Variants in ZRSR2 observed in about 807,000 individuals in gnomAD.
ZRSR2 encodes zinc finger CCCH-type, RNA binding motif and serine/arginine rich 2, also known as U2 small nuclear ribonucleoprotein auxiliary factor 35 kDa subunit-related protein 2.
Under a neutral mutation model 39.4 loss-of-function variants are expected in ZRSR2, and 3 were observed. The ratio of observed to expected loss-of-function variants is 0.08; its 90% CI spans 0.03 to 0.20. The LOEUF is 0.20. ZRSR2 is among the 10% of genes least tolerant of loss of function. The probability of loss-of-function intolerance (pLI) is 1.00; values close to 1 mark genes in which losing one functional copy is unlikely to be tolerated. For missense variants in ZRSR2, 256 were observed against 391.5 expected, an observed-to-expected ratio of 0.65 and a Z score of 2.92; for synonymous variants, 137 against 136.0, an observed-to-expected ratio of 1.01 and a Z score of -0.05.
At chrX:15,801,962 G>T (rs1164776902) in intron 3 of ZRSR2, among the ~76,000 whole-genome samples, 1 of 111,722 alleles carries the variant, frequency 9.0e-6, no homozygotes, top group Non-Finnish European at 1.9e-5. Flanking sequence ...TTACTTTCTT[G>T]TGGTCTTAAT....
At chrX:15,821,345 C>A (rs1426780728) in intron 10 of ZRSR2, among the ~76,000 whole-genome samples, 1 of 107,653 alleles carries the variant, frequency 9.3e-6, no homozygotes, top group Non-Finnish European at 1.9e-5. Flanking sequence ...AAAAAAAAAA[C>A]ACTTTATTTT....
At chrX:15,801,522 C>T (rs1022494022) in intron 3 of ZRSR2, 7 of 176,792 alleles carry the variant, frequency 4.0e-5, no homozygotes, top group African/African-American at 1.2e-4. Flanking sequence ...TGAGCCACCG[C>T]GCTCAGCCGA....
Position 15,800,986 on chromosome X carries a change from G to A in ZRSR2, c.203+1033G>A, listed in dbSNP as rs1401066428. ...TCATAAGTCCATGTAAAATGTAGAT[G>A]GCCAGGTAGAAAGGGCTTCCTGGTT... is the stretch of plus-strand genomic sequence containing the variant. On this transcript the variant is annotated intron_variant, in intron 3 of 10. Coordinates refer to ENST00000307771, the MANE Select transcript of ZRSR2 (RefSeq NM_005089.4). Among the ~76,000 whole-genome samples the A allele has an allele frequency of 2.7e-5, 3 of 111,823 alleles. No homozygotes were observed. In the East Asian group the frequency reaches 8.5e-4, roughly 32 times the overall value.
chrX:15,802,301 T>C (rs910415222), intron 3 of ZRSR2, among the ~76,000 whole-genome samples: 1 of 112,076 alleles, frequency 8.9e-6, no homozygotes, highest in African/African-American at 3.2e-5. Flanking sequence ...GAATTTGAGG[T>C]TCTACACACC....
chrX:15,798,379 C>T (rs1475313346), intron 2 of ZRSR2, among the ~76,000 whole-genome samples: 1 of 111,945 alleles, frequency 8.9e-6, no homozygotes, highest in Non-Finnish European at 1.9e-5. Flanking sequence ...TTCTAATCTA[C>T]AGAAAGTTGA....
At chrX:15,803,915 C>A in intron 4 of ZRSR2, 119 bp downstream of exon 4, 1 of 1,012,276 alleles carries the variant, frequency 9.9e-7, no homozygotes, top group Non-Finnish European at 1.3e-6. Context: ...TGCACTCCAG[C>A]CTGGGCAGCA....
Position 15,790,495 on chromosome X carries a change from G to C in ZRSR2, c.-1G>C, listed in dbSNP as rs939935004. 8.6e-7 allele frequency: 1 copy of C among 1,159,645 alleles called. No individual in the cohort carries two copies. The highest frequency in any genetic ancestry group is 3.3e-5 in the East Asian group (1 of 30,244). Reference sequence around the variant, plus strand: ...TGGAGGGGCGGGGCGGTGCCGGCAAGATGGCTGCGCCCGAGAAGATGACGT... The same window carrying C: ...TGGAGGGGCGGGGCGGTGCCGGCAACATGGCTGCGCCCGAGAAGATGACGT... On this transcript the variant is annotated 5_prime_UTR_variant, in exon 1 of 11. Coordinates refer to ENST00000307771, the MANE Select transcript of ZRSR2 (RefSeq NM_005089.4).
chrX:15,795,072 G>A (rs183794058), intron 2 of ZRSR2, among the ~76,000 whole-genome samples: 785 of 53,431 alleles, frequency 0.015, 6 homozygotes, highest in Non-Finnish European at 0.021. Flanking sequence ...CCTTCACCCC[G>A]ACCCCCCTGC....
At chrX:15,797,415 G>C (rs1304116639) in intron 2 of ZRSR2, among the ~76,000 whole-genome samples, 1 of 109,395 alleles carries the variant, frequency 9.1e-6, no homozygotes, top group African/African-American at 3.3e-5. Context: ...TCACCATGTT[G>C]GCCAGGCTGG....
intron 2 of ZRSR2, among the ~76,000 whole-genome samples, chrX:15,796,167 T>C (rs1932450469): frequency 9.0e-6 from 1 of 111,013 alleles, no homozygotes; most frequent in Admixed American, 9.6e-5. Context: ...TAGTTGGGAT[T>C]ACAGACACGC....
At position 15,808,187 on chromosome X, in the gene ZRSR2, A is replaced by G; in HGVS notation, c.400-46A>G. 1.9e-5 allele frequency: 22 copies of G among 1,156,190 alleles called. 2 individuals carry two copies. Among genetic ancestry groups the G allele is most frequent in the African/African-American group, 7.0e-5 (4 of 56,864 alleles). On this transcript the variant is annotated intron_variant, in intron 5 of 10. Transcript: ENST00000307771. ...TAACCAGAGAAACCAGATGTGACTTACCTGACTTCTGGGTTTTTATTAGTC... is the reference window on the plus strand; with the variant it reads ...TAACCAGAGAAACCAGATGTGACTTGCCTGACTTCTGGGTTTTTATTAGTC...
chrX:15,807,299 G>A (rs1343667473), intron 5 of ZRSR2, among the ~76,000 whole-genome samples: 3 of 108,310 alleles, frequency 2.8e-5, no homozygotes, highest in African/African-American at 6.7e-5. Context: ...TTGTTTGTTC[G>A]TTTTTTTTTA....
At chrX:15,793,686 C>T (rs1479901435) in intron 2 of ZRSR2, among the ~76,000 whole-genome samples, 1 of 111,795 alleles carries the variant, frequency 8.9e-6, no homozygotes, top group African/African-American at 3.3e-5. Context: ...TTACAGGTAC[C>T]CACTATCATG....
rs997423035 is a variant in ZRSR2 at position 15,804,349 on chromosome X, C to T, written c.399+152C>T. 2.4e-5 allele frequency: 21 copies of T among 869,182 alleles called. No homozygotes were observed. The African/African-American group carries it at 4.3e-4, about 18-fold the overall frequency. 71.6% of individuals were successfully genotyped at this position (869,182 alleles called of 1,213,427 possible). On this transcript the variant is annotated intron_variant, in intron 5 of 10. Coordinates refer to ENST00000307771, the MANE Select transcript of ZRSR2 (RefSeq NM_005089.4). ...CAGTTTAGACATAACACCAGAGTTC[C>T]CTTCTGATGCTCTTCTTCGGGTCCG...
intron 8 of ZRSR2, among the ~76,000 whole-genome samples, chrX:15,818,136 A>G (rs1933015278): frequency 9.0e-6 from 1 of 111,060 alleles, no homozygotes; most frequent in African/African-American, 3.3e-5. Context: ...ATGTATGTAT[A>G]TGTGTGTTTG....
chrX:15,806,222 T>G (rs1601816671), intron 5 of ZRSR2, among the ~76,000 whole-genome samples: 1 of 73,813 alleles, frequency 1.4e-5, no homozygotes, highest in Admixed American at 1.5e-4. Context: ...GTGGAGGAGG[T>G]TGCTGAGGGA....
intron 2 of ZRSR2, among the ~76,000 whole-genome samples, chrX:15,794,997 T>A (rs1932400825): frequency 9.0e-6 from 1 of 110,750 alleles, no homozygotes; most frequent in African/African-American, 3.3e-5. Context: ...CCCCATCAAA[T>A]TGGCTTTTGT....
chrX:15,813,505 G>A lies in ZRSR2; in HGVS notation c.558-2172G>A, dbSNP rs557619452. ...CTGAGTTTTCAATAAAAGCTATAGG[G>A]CTGGCCTTTTGTATACACTTAGATT... On this transcript the variant is annotated intron_variant, in intron 7 of 10. Coordinates refer to ENST00000307771, the MANE Select transcript of ZRSR2 (RefSeq NM_005089.4). Among the ~76,000 whole-genome samples the A allele has an allele frequency of 2.7e-5, 3 of 112,087 alleles. No homozygotes were observed. In the East Asian group the frequency reaches 8.4e-4, roughly 31 times the overall value.
chrX:15,803,537 C>CGGA, intron 3 of ZRSR2, 151 bp from the exon 4 acceptor site: 1 of 688,635 alleles, frequency 1.5e-6, no homozygotes, highest in East Asian at 3.7e-5. Context: ...CTGCTCTTCT[C>CGGA]GTTCTCTTAC....
Sources: gnomAD v4.1 joint callset for allele counts (sites outside exome capture counted in the v4.1 genomes callset) on GRCh38, gnomAD v4.1.1 for gene constraint, MANE v1.5 for transcripts, NCBI Gene and HGNC (gene_info 2026-07-23, HGNC 2026-07-21) for gene names.